The following CADM2 variants were observed in gnomAD, a reference collection of about 807,000 sequenced individuals.
CADM2 encodes the protein immunoglobulin superfamily member 4D.
Under a neutral mutation model 49.8 loss-of-function variants are expected in CADM2, and 12 were observed. The ratio of observed to expected loss-of-function variants is 0.24; its 90% confidence interval spans 0.15 to 0.39. CADM2 has a LOEUF of 0.39. CADM2 is among the 10% of genes least tolerant of loss of function. The probability of loss-of-function intolerance (pLI) is 1.00; values close to 1 mark genes in which losing one functional copy is unlikely to be tolerated. For synonymous variants in CADM2, 214 were observed against 175.4 expected (o/e 1.22, Z -1.74); for missense variants, 378 against 492.3 (o/e 0.77, Z 2.20).
chr3:85,110,932 T>C (rs1358952892), intron 1 of CADM2, among the ~76,000 whole-genome samples: 1 of 151,872 alleles, frequency 6.6e-6, no homozygotes, highest in Non-Finnish European at 1.5e-5. Flanking sequence ...TGACTTCCAT[T>C]GATAACTATC....
At chr3:84,999,173 G>T (rs879004122) in intron 1 of CADM2, among the ~76,000 whole-genome samples, 5 of 151,988 alleles carry the variant, frequency 3.3e-5, no homozygotes, top group African/African-American at 1.2e-4. Flanking sequence ...CTTTATGTAG[G>T]GAATATAGTC....
intron 8 of CADM2, chr3:86,012,555 G>C: frequency 6.7e-7 from 1 of 1,498,912 alleles, no homozygotes. Context: ...CAGCGGGCGG[G>C]CGAAGATGCC....
intron 1 of CADM2, among the ~76,000 whole-genome samples, chr3:85,613,705 G>A (rs925425701): frequency 4.6e-5 from 7 of 151,352 alleles, no homozygotes; most frequent in Non-Finnish European, 7.4e-5. Context: ...ATATGAAATG[G>A]TAGCTAACTC....
At chr3:85,663,651 T>C (rs911624279) in intron 1 of CADM2, among the ~76,000 whole-genome samples, 2 of 152,036 alleles carry the variant, frequency 1.3e-5, no homozygotes, top group East Asian at 3.9e-4. Flanking sequence ...GCTGCAGAGC[T>C]CTAGCAATGG....
chr3:85,017,523 T>C (rs910148649), intron 1 of CADM2, among the ~76,000 whole-genome samples: 1 of 152,186 alleles, frequency 6.6e-6, no homozygotes, highest in Non-Finnish European at 1.5e-5. Flanking sequence ...ATTTCAGCCA[T>C]AGGAAAAATT....
chr3:85,438,362 T>C (rs1004859253), intron 1 of CADM2, among the ~76,000 whole-genome samples: 1 of 94,188 alleles, frequency 1.1e-5, no homozygotes, highest in Non-Finnish European at 2.4e-5. Flanking sequence ...GTCGTGGTGT[T>C]TGAAAAAAAA....
chr3:85,665,948 A>G (rs1473812742), intron 1 of CADM2, among the ~76,000 whole-genome samples: 1 of 152,000 alleles, frequency 6.6e-6, no homozygotes, highest in African/African-American at 2.4e-5. Flanking sequence ...AAGAAGTCAA[A>G]TTGTCTCTAT....
intron 1 of CADM2, among the ~76,000 whole-genome samples, chr3:85,710,954 G>A (rs1449075672): frequency 6.6e-6 from 1 of 152,016 alleles, no homozygotes; most frequent in Non-Finnish European, 1.5e-5. Flanking sequence ...TGGGATTTTA[G>A]GCTTAACATA....
chr3:85,215,642 C>A (rs1398507730), intron 1 of CADM2, among the ~76,000 whole-genome samples: 1 of 151,974 alleles, frequency 6.6e-6, no homozygotes, highest in East Asian at 1.9e-4. Context: ...CAGTACAGCA[C>A]CAGGAATTGC....
intron 2 of CADM2, among the ~76,000 whole-genome samples, chr3:85,782,267 A>T (rs1409117548): frequency 6.6e-6 from 1 of 152,204 alleles, no homozygotes. Flanking sequence ...ATTAACAAAC[A>T]TTATATGATC....
intron 1 of CADM2, among the ~76,000 whole-genome samples, chr3:85,520,928 G>A (rs1272323159): frequency 6.6e-6 from 1 of 151,984 alleles, no homozygotes; most frequent in Non-Finnish European, 1.5e-5. Flanking sequence ...AGGATAGCTT[G>A]AGTATGGCCA....
intron 1 of CADM2, among the ~76,000 whole-genome samples, chr3:85,656,131 T>C (rs942847529): frequency 6.6e-6 from 1 of 152,276 alleles, no homozygotes; most frequent in African/African-American, 2.4e-5. Context: ...TTTTCTGTTA[T>C]TAGAAAAAGC....
chr3:85,168,226 T>C (rs891500454), intron 1 of CADM2, among the ~76,000 whole-genome samples: 3 of 152,064 alleles, frequency 2.0e-5, no homozygotes, highest in Non-Finnish European at 4.4e-5. Context: ...TAGCTCATTT[T>C]GTGCTGTTAG....
At chr3:85,752,587 G>A (rs1418291324) in intron 2 of CADM2, among the ~76,000 whole-genome samples, 1 of 151,866 alleles carries the variant, frequency 6.6e-6, no homozygotes, top group Admixed American at 6.6e-5. Context: ...TTAAACTTTT[G>A]CATTGTTACC....
intron 1 of CADM2, among the ~76,000 whole-genome samples, chr3:85,600,269 T>C (rs2063353536): frequency 6.6e-6 from 1 of 151,932 alleles, no homozygotes; most frequent in Non-Finnish European, 1.5e-5. Flanking sequence ...CATAGATTAA[T>C]AGGCTTTTTC....
intron 1 of CADM2, among the ~76,000 whole-genome samples, chr3:85,388,565 T>C (rs1211652203): frequency 2.6e-5 from 4 of 152,188 alleles, no homozygotes; most frequent in Non-Finnish European, 5.9e-5. Flanking sequence ...ATCTTCTTGA[T>C]ATGGCAATAC....
intron 1 of CADM2, among the ~76,000 whole-genome samples, chr3:85,638,387 G>T (rs1190556649): frequency 2.0e-5 from 3 of 151,922 alleles, no homozygotes; most frequent in African/African-American, 7.2e-5. Context: ...TCCACAAATT[G>T]ATACAACTAC....
At chr3:85,115,693 A>G (rs1449036586) in intron 1 of CADM2, among the ~76,000 whole-genome samples, 1 of 152,198 alleles carries the variant, frequency 6.6e-6, no homozygotes, top group Non-Finnish European at 1.5e-5. Flanking sequence ...AAAGGTTATT[A>G]ATATACAGCT....
chr3:85,690,272 G>A (rs1486195628), intron 1 of CADM2, among the ~76,000 whole-genome samples: 1 of 151,982 alleles, frequency 6.6e-6, no homozygotes, highest in Non-Finnish European at 1.5e-5. Context: ...ATTTCTGTGG[G>A]GAAAAATGAA....
Sources: gnomAD v4.1 joint callset for allele counts (sites outside exome capture counted in the v4.1 genomes callset) on GRCh38, gnomAD v4.1.1 for gene constraint, MANE v1.5 for transcripts, NCBI Gene and HGNC (gene_info 2026-07-23, HGNC 2026-07-21) for gene names.